Variants in ADAM9 observed in about 807,000 individuals in gnomAD.
ADAM9 encodes disintegrin and metalloproteinase domain-containing protein 9.
Under a neutral mutation model 108.1 loss-of-function variants are expected in ADAM9, and 54 were observed. That is an observed-to-expected ratio of 0.50 (90% CI 0.40 to 0.63). The LOEUF (loss-of-function observed/expected upper bound fraction) is 0.63, where lower values mean the gene tolerates loss of function less well. Ranked by LOEUF, ADAM9 falls within the 20% of genes least tolerant of loss-of-function variation. ADAM9 has a pLI of 0.00. For synonymous variants in ADAM9, 316 were observed against 336.0 expected, an observed-to-expected ratio of 0.94 and a Z score of 0.65; for missense variants, 830 against 997.7, an observed-to-expected ratio of 0.83 and a Z score of 2.26.
At chr8:38,999,700 A>T (rs1283343772) in intron 1 of ADAM9, among the ~76,000 whole-genome samples, 2 of 152,216 alleles carry the variant, frequency 1.3e-5, no homozygotes, top group African/African-American at 4.8e-5. Flanking sequence ...AATATGTACA[A>T]ACCTAGTTCC....
At chr8:39,052,030 T>C (rs1224804967) in intron 12 of ADAM9, among the ~76,000 whole-genome samples, 1 of 152,164 alleles carries the variant, frequency 6.6e-6, no homozygotes, top group Non-Finnish European at 1.5e-5. Context: ...GGTAGAATTA[T>C]TGTATCTAAA....
At chr8:39,006,523 G>T (rs924460607) in intron 1 of ADAM9, among the ~76,000 whole-genome samples, 6 of 81,076 alleles carry the variant, frequency 7.4e-5, no homozygotes, top group Non-Finnish European at 1.7e-4. Context: ...AGGAGAGTAT[G>T]AGAGTAGGGA....
At chr8:39,008,537 A>G (rs2129432104) in intron 2 of ADAM9, among the ~76,000 whole-genome samples, 2 of 152,304 alleles carry the variant, frequency 1.3e-5, no homozygotes, top group Middle Eastern at 6.8e-3. Context: ...GAATAGTTAA[A>G]CAAAATTGTA....
At chr8:39,000,016 C>G (rs1444611852) in intron 1 of ADAM9, among the ~76,000 whole-genome samples, 1 of 152,132 alleles carries the variant, frequency 6.6e-6, no homozygotes, top group East Asian at 1.9e-4. Flanking sequence ...ATCTCAGTAG[C>G]TAATCCCTCA....
intron 15 of ADAM9, among the ~76,000 whole-genome samples, chr8:39,073,097 G>A (rs1006714124): frequency 6.6e-6 from 1 of 152,162 alleles, no homozygotes; most frequent in African/African-American, 2.4e-5. Flanking sequence ...CCAATATATG[G>A]TCTGTATGGG....
At chr8:39,016,216 C>CTT in intron 5 of ADAM9, 22 bp downstream of exon 5, 1 of 1,581,068 alleles carries the variant, frequency 6.3e-7, no homozygotes, top group Non-Finnish European at 8.7e-7. Flanking sequence ...CCTTTATCTT[C>CTT]TTTTTTTTTG....
At chr8:39,009,943 A>AAAC (rs370366463) in intron 2 of ADAM9, among the ~76,000 whole-genome samples, 8 of 106,206 alleles carry the variant, frequency 7.5e-5, no homozygotes, top group African/African-American at 1.5e-4. Context: ...ACAAAAACAA[A>AAAC]AACAACAACA....
At chr8:39,092,036 G>A (rs1254466621) in intron 20 of ADAM9, among the ~76,000 whole-genome samples, 1 of 152,180 alleles carries the variant, frequency 6.6e-6, no homozygotes, top group Admixed American at 6.5e-5. Flanking sequence ...CTGTAGGACT[G>A]ATAGTCACTG....
intron 16 of ADAM9, among the ~76,000 whole-genome samples, chr8:39,080,218 G>C (rs1315732222): frequency 6.6e-6 from 1 of 151,762 alleles, no homozygotes; most frequent in South Asian, 2.1e-4. Flanking sequence ...CAAAGTTGTC[G>C]TGATTAAAAA....
intron 1 of ADAM9, among the ~76,000 whole-genome samples, chr8:39,005,646 G>C (rs951057971): frequency 6.6e-6 from 1 of 152,200 alleles, no homozygotes; most frequent in Non-Finnish European, 1.5e-5. Context: ...AGCAGAGTCA[G>C]TCCAAATTGC....
chr8:39,090,539 G>A (rs961267779), intron 19 of ADAM9, among the ~76,000 whole-genome samples: 2 of 152,084 alleles, frequency 1.3e-5, no homozygotes, highest in African/African-American at 4.8e-5. Flanking sequence ...TCTAAAATAG[G>A]GTTCTAAGTT....
intron 12 of ADAM9, among the ~76,000 whole-genome samples, chr8:39,045,500 A>ACGCACC (rs1491315346): frequency 6.9e-6 from 1 of 144,504 alleles, no homozygotes; most frequent in African/African-American, 2.6e-5. Flanking sequence ...GTGTGTATAC[A>ACGCACC]TATGTGTGTG....
chr8:39,052,911 C>G (rs1194867225), intron 12 of ADAM9, among the ~76,000 whole-genome samples: 1 of 152,104 alleles, frequency 6.6e-6, no homozygotes, highest in Non-Finnish European at 1.5e-5. Context: ...AACTCTCAAA[C>G]TGTTTTCTAA....
chr8:39,091,424 T>C (rs1426576152), intron 20 of ADAM9, 78 bp downstream of exon 20: 6 of 1,213,310 alleles, frequency 4.9e-6, no homozygotes, highest in Non-Finnish European at 7.3e-6. Flanking sequence ...CACAGTTATA[T>C]AGCTATAGCT....
intron 3 of ADAM9, among the ~76,000 whole-genome samples, chr8:39,012,255 G>C (rs1431060908): frequency 6.6e-6 from 1 of 152,158 alleles, no homozygotes; most frequent in Non-Finnish European, 1.5e-5. Context: ...GTTTACTGAA[G>C]GTATCTTTCC....
rs1838054294 is a variant in ADAM9, at chr8:39,054,548, A to ATGG, written c.1373_1375dup (p.Gly458dup). 1 of 1,580,070 alleles carries ATGG rather than the reference A, an allele frequency of 6.3e-7. No individual in the cohort carries two copies. Among genetic ancestry groups the ATGG allele is most frequent in the African/African-American group, 1.4e-5 (1 of 72,850 alleles). On this transcript the variant is annotated inframe_insertion, in exon 13 of 22. Transcript: ENST00000487273. The stretch of plus-strand genomic sequence containing the variant: ...CTTAAATCATTTGCTGAGTGTGCAT[A>ATGG]TGGTGACTGTTGTAAAGACTGTCGG...
At position 39,055,785 on chromosome 8, in the gene ADAM9, C is replaced by G; in HGVS notation, c.1591+13C>G. ...ATCTTTGGCTCAAGTAAGATATCAT[C>G]ATTTATAATTGATTGCTTCGATATT... On this transcript the variant is annotated intron_variant, in intron 14 of 21. Transcript: ENST00000487273. The G allele has an allele frequency of 6.2e-7, 1 of 1,606,668 alleles. No homozygotes were observed. Among genetic ancestry groups the G allele is most frequent in the African/African-American group, 1.3e-5 (1 of 74,870 alleles).
At chr8:39,102,250 A>G (rs193109123) in intron 21 of ADAM9, among the ~76,000 whole-genome samples, 30 of 152,366 alleles carry the variant, frequency 2.0e-4, no homozygotes, top group Admixed American at 1.7e-3. Flanking sequence ...CCTTCCCGTC[A>G]AAAACAGCTA....
chr8:39,044,958 GTGTGTGCACACATACCTAT>G, intron 12 of ADAM9, among the ~76,000 whole-genome samples: 1 of 150,532 alleles, frequency 6.6e-6, no homozygotes, highest in Non-Finnish European at 1.5e-5. Flanking sequence ...ATGTGTATAT[GTGTGTGCACACATACCTAT>G]GTATGTGTAT....
Sources: allele counts gnomAD v4.1 joint callset (sites outside exome capture counted in the v4.1 genomes callset), GRCh38; gene constraint gnomAD v4.1.1; transcripts MANE v1.5; gene names NCBI Gene and HGNC (gene_info 2026-07-23, HGNC 2026-07-21).